Variants in SLC4A4 observed in about 807,000 individuals in gnomAD.
SLC4A4 encodes the protein solute carrier family 4 member 4, also known as electrogenic sodium bicarbonate cotransporter 1.
In SLC4A4, 27 loss-of-function variants were observed where a neutral mutation model predicts 111.5. The ratio of observed to expected loss-of-function variants is 0.24; its 90% CI spans 0.18 to 0.33. SLC4A4 has a LOEUF of 0.33. Ranked by LOEUF, SLC4A4 falls within the 10% of genes least tolerant of loss-of-function variation. The pLI is 1.00. For synonymous variants in SLC4A4, 443 were observed against 463.4 expected, an observed-to-expected ratio of 0.96 and a Z score of 0.57; for missense variants, 909 against 1,315.5, an observed-to-expected ratio of 0.69 and a Z score of 4.78.
intron 18 of SLC4A4, among the ~76,000 whole-genome samples, chr4:71,538,734 G>T (rs188857439): frequency 6.6e-6 from 1 of 151,998 alleles, no homozygotes; most frequent in East Asian, 1.9e-4. Flanking sequence ...TTCTGCTTGG[G>T]ATGGGATCCA....
chr4:71,156,049 C>T (rs1452718811), intron 2 of SLC4A4, among the ~76,000 whole-genome samples: 2 of 152,148 alleles, frequency 1.3e-5, no homozygotes, highest in Non-Finnish European at 2.9e-5. Flanking sequence ...AAGAGGAGCT[C>T]AGTCTGTTCT....
rs142667010 is a variant in SLC4A4, at chr4:71,452,128, T to G, written c.1322+827T>G. Among the ~76,000 whole-genome samples the G allele has an allele frequency of 8.3e-3, 1,263 of 152,234 alleles. 18 individuals are homozygous for G. Among genetic ancestry groups the G allele is most frequent in the African/African-American group, 0.029 (1,193 of 41,552 alleles). ...TTTTTTAACATGAAAAGGTATGTCA[T>G]TATAATATGCAATTGAATGTGAATG... On this transcript the variant is annotated intron_variant, in intron 11 of 25. Coordinates refer to ENST00000264485, the MANE Select transcript of SLC4A4 (RefSeq NM_001098484.3).
At chr4:71,440,910 T>TAAAA in intron 8 of SLC4A4, 137 bp downstream of exon 8, 1 of 967,096 alleles carries the variant, frequency 1.0e-6, no homozygotes, top group Non-Finnish European at 1.6e-6. Flanking sequence ...AATGACTGTT[T>TAAAA]GACTTTTATA....
chr4:71,296,110 T>A (rs1046472249), intron 3 of SLC4A4, among the ~76,000 whole-genome samples: 1 of 143,072 alleles, frequency 7.0e-6, no homozygotes, highest in African/African-American at 2.8e-5. Context: ...TTTTAACCTG[T>A]TTTTTTTTTC....
Position 71,569,879 on chromosome 4 carries a change from A to G in SLC4A4, c.*2128A>G, listed in dbSNP as rs1032275795. ...ATGACCCCAATTTTTTCATTAAAAT[A>G]ATAGTGGTGAATTATATGTTATTGT... On this transcript the variant is annotated 3_prime_UTR_variant, in exon 26 of 26. Transcript: ENST00000264485. 6.6e-6 allele frequency: 1 copy of G among 151,814 alleles called. No individual in the cohort carries two copies. Among genetic ancestry groups the G allele is most frequent in the Admixed American group, 6.6e-5 (1 of 15,198 alleles). The allele number at this position is 151,814 out of a possible 1,614,324, so 9.4% of individuals were successfully genotyped here.
chr4:71,306,602 T>C (rs1470669773), intron 3 of SLC4A4, among the ~76,000 whole-genome samples: 1 of 151,996 alleles, frequency 6.6e-6, no homozygotes, highest in Admixed American at 6.6e-5. Flanking sequence ...ATCATAATAA[T>C]ACCTAGCATT....
chr4:71,252,715 C>T (rs1721148876), intron 2 of SLC4A4, among the ~76,000 whole-genome samples: 1 of 152,082 alleles, frequency 6.6e-6, no homozygotes, highest in South Asian at 2.1e-4. Context: ...AGTTTTAAAA[C>T]GTGGTCAAGA....
rs575072874 is a variant in SLC4A4 at position 71,424,964 on chromosome 4, C to T, written c.808-15652C>T. Among the ~76,000 whole-genome samples, 17 of 151,698 alleles carry T rather than the reference C, an allele frequency of 1.1e-4. No individual in the cohort carries two copies. In the South Asian group the frequency reaches 1.5e-3, roughly 13 times the overall value. ...ATGTAACTAACCTGCACCTTGTGCA[C>T]GTGTACCCTAAAACTTAAAGTATAA... On this transcript the variant is annotated intron_variant, in intron 7 of 25. Coordinates refer to ENST00000264485, the MANE Select transcript of SLC4A4 (RefSeq NM_001098484.3).
At chr4:71,398,542 T>C (rs1720053602) in intron 7 of SLC4A4, among the ~76,000 whole-genome samples, 1 of 152,088 alleles carries the variant, frequency 6.6e-6, no homozygotes, top group African/African-American at 2.4e-5. Flanking sequence ...TTTAAGAATA[T>C]AGTATATGGA....
chr4:71,559,064 A>G (rs1736732899), intron 22 of SLC4A4, among the ~76,000 whole-genome samples: 1 of 151,834 alleles, frequency 6.6e-6, no homozygotes, highest in South Asian at 2.1e-4. Context: ...TACTTTTCCA[A>G]AGTGTTTTTG....
At chr4:71,497,936 T>A (rs946778490) in intron 16 of SLC4A4, among the ~76,000 whole-genome samples, 7 of 152,120 alleles carry the variant, frequency 4.6e-5, no homozygotes, top group Admixed American at 3.9e-4. Context: ...ATTCTGAATG[T>A]GCTGAAAGGA....
chr4:71,169,306 A>G lies in SLC4A4; in HGVS notation c.-1-67270A>G, dbSNP rs2630559. On this transcript the variant is annotated intron_variant, in intron 2 of 26. Coordinates refer to the SLC4A4 transcript ENST00000649996. ...GTTGGGATTACAGGTGTGAGCCATC[A>G]TGCCAGCCTCTATTTTTATTTTTTT... Among the ~76,000 whole-genome samples the G allele has an allele frequency of 5.6e-3, 848 of 151,980 alleles. 13 individuals carry two copies. Among genetic ancestry groups the G allele is most frequent in the African/African-American group, 0.019 (800 of 41,444 alleles).
chr4:71,569,497 A>G lies in SLC4A4; in HGVS notation c.*1746A>G, dbSNP rs1737772253. The G allele has an allele frequency of 6.6e-6, 1 of 151,690 alleles. No individual in the cohort carries two copies. Among genetic ancestry groups the G allele is most frequent in the South Asian group, 2.1e-4 (1 of 4,822 alleles). The allele number at this position is 151,690 out of a possible 1,614,324, so 9.4% of individuals were successfully genotyped here. ...CACACTGAAAATTAGACATTTATTAACCAAATTTAACGTGGTATTTAAAGG... is the reference window on the plus strand; with the variant it reads ...CACACTGAAAATTAGACATTTATTAGCCAAATTTAACGTGGTATTTAAAGG... On this transcript the variant is annotated 3_prime_UTR_variant, in exon 26 of 26. Transcript: ENST00000264485.
At chr4:71,256,901 A>G (rs1216489707) in intron 3 of SLC4A4, among the ~76,000 whole-genome samples, 1 of 152,152 alleles carries the variant, frequency 6.6e-6, no homozygotes, top group Non-Finnish European at 1.5e-5. Context: ...TGTGTCTTTT[A>G]TAACTTGTCT....
chr4:71,490,932 AGAGT>A (rs1229560313), intron 15 of SLC4A4, among the ~76,000 whole-genome samples: 1 of 151,892 alleles, frequency 6.6e-6, no homozygotes, highest in Non-Finnish European at 1.5e-5. Context: ...ACTGAGCAAT[AGAGT>A]GAGACTATGT....
intron 2 of SLC4A4, among the ~76,000 whole-genome samples, chr4:71,101,447 T>C (rs77150542): frequency 6.6e-6 from 1 of 152,194 alleles, no homozygotes; most frequent in Non-Finnish European, 1.5e-5. Flanking sequence ...AATTATATTC[T>C]TACTGTTGTG....
intron 1 of SLC4A4, among the ~76,000 whole-genome samples, chr4:71,088,937 T>G (rs1186550399): frequency 6.6e-6 from 1 of 152,074 alleles, no homozygotes; most frequent in Admixed American, 6.5e-5. Flanking sequence ...ATTTCCTGAA[T>G]TTGAATGTTG....
At chr4:71,151,621 G>C (rs935321200) in intron 2 of SLC4A4, among the ~76,000 whole-genome samples, 4 of 151,070 alleles carry the variant, frequency 2.6e-5, no homozygotes, top group African/African-American at 9.8e-5. Context: ...ATTTTTATAC[G>C]TAAAAAATAT....
intron 3 of SLC4A4, among the ~76,000 whole-genome samples, chr4:71,277,544 TTCTTTC>T (rs1395607707): frequency 5.3e-5 from 8 of 151,694 alleles, no homozygotes; most frequent in African/African-American, 1.2e-4. Flanking sequence ...CTCTTTTTCT[TTCTTTC>T]TCTTTCTCTT....
Sources: allele counts gnomAD v4.1 joint callset (sites outside exome capture counted in the v4.1 genomes callset), GRCh38; gene constraint gnomAD v4.1.1; transcripts MANE v1.5; gene names NCBI Gene and HGNC (gene_info 2026-07-23, HGNC 2026-07-21).